Variants in ADGRG2 observed in about 807,000 individuals in gnomAD.
ADGRG2 encodes adhesion G protein-coupled receptor G2, also known as G protein-coupled receptor 64.
Under a neutral mutation model 74.1 loss-of-function variants are expected in ADGRG2, and 26 were observed. The ratio of observed to expected loss-of-function variants is 0.35; its 90% CI spans 0.26 to 0.49. The LOEUF (loss-of-function observed/expected upper bound fraction) is 0.49. Among genes scored for constraint, ADGRG2 ranks in the 20% least tolerant of loss-of-function variants. ADGRG2 has a pLI of 0.99. For synonymous variants in ADGRG2, 296 were observed against 295.2 expected (o/e 1.00, Z -0.03); for missense variants, 619 against 763.1 (o/e 0.81, Z 2.22).
At chrX:19,000,703 G>A (rs2060113816) in intron 24 of ADGRG2, among the ~76,000 whole-genome samples, 1 of 110,589 alleles carries the variant, frequency 9.0e-6, no homozygotes, top group African/African-American at 3.3e-5. Flanking sequence ...AGATTTCAAG[G>A]TGAATCTGTT....
chrX:18,998,667 C>T (rs894538905), intron 26 of ADGRG2, among the ~76,000 whole-genome samples: 3 of 101,759 alleles, frequency 2.9e-5, no homozygotes, highest in African/African-American at 1.1e-4. Flanking sequence ...GCAAGTCTCT[C>T]AAGGCCATTT....
intron 10 of ADGRG2, among the ~76,000 whole-genome samples, 185 bp from the exon 11 acceptor site, chrX:19,027,459 C>A (rs1253989453): frequency 1.8e-5 from 2 of 112,000 alleles, no homozygotes; most frequent in Non-Finnish European, 3.8e-5. Context: ...AAAGGGAGGG[C>A]AAAAAGTGGT....
chrX:19,046,312 C>T (rs2146788136), intron 3 of ADGRG2, among the ~76,000 whole-genome samples: 1 of 112,525 alleles, frequency 8.9e-6, no homozygotes, highest in South Asian at 3.7e-4. Context: ...AAAGCATGCC[C>T]TGGTTACAAA....
rs780606674 is a variant in ADGRG2 at position 18,991,156 on chromosome X, G to A, written c.2870-108C>T. On this transcript the variant is annotated intron_variant, in intron 28 of 28. Transcript: ENST00000379869. Reference sequence around the variant, plus strand: ...TCTTAAAGATGTATTTGTAAAATATGTTTTTAAAAACATTTGTGATATATG... The same window carrying A: ...TCTTAAAGATGTATTTGTAAAATATATTTTTAAAAACATTTGTGATATATG... The A allele has an allele frequency of 7.4e-5, 30 of 408,141 alleles. No homozygotes were observed. In the African/African-American group the frequency reaches 7.4e-4, roughly 10 times the overall value. The allele number at this position is 408,141 out of a possible 1,213,427, so 33.6% of individuals were successfully genotyped here.
At position 19,008,018 on chromosome X, in the gene ADGRG2, C is replaced by T. The variant is rs768465925; in HGVS notation, c.1528G>A (p.Val510Ile). The T allele has an allele frequency of 1.7e-6, 2 of 1,202,202 alleles. No individual in the cohort carries two copies. The highest frequency in any genetic ancestry group is 1.8e-5 in the African/African-American group (1 of 56,944). Residue 510 changes from valine (V) to isoleucine (I), a missense_variant, in exon 19 of 29, where the codon GTT (valine) becomes ATT (isoleucine). Val to Ile is a conservative substitution (Grantham distance 29). Transcript: ENST00000379869. Reference protein sequence around the residue: ...PAHDMELASRVQFNFFETPAL... With the variant: ...PAHDMELASRIQFNFFETPAL... ...GGTGTTTCAAAAAAATTGAACTGAA[C>T]CCTGGAAGCTAGCTCCATGTCATGA...
At chrX:18,992,860 A>G (rs2059946554) in intron 28 of ADGRG2, among the ~76,000 whole-genome samples, 1 of 112,252 alleles carries the variant, frequency 8.9e-6, no homozygotes, top group African/African-American at 3.2e-5. Context: ...TGATAGAGCT[A>G]GGCAGGTGAG....
At chrX:19,074,556 C>CTTCTT (rs2061707631) in intron 2 of ADGRG2, among the ~76,000 whole-genome samples, 1 of 85,623 alleles carries the variant, frequency 1.2e-5, no homozygotes, top group African/African-American at 4.9e-5. Flanking sequence ...TCTTCTTCTT[C>CTTCTT]TTCTTCTTTT....
At chrX:19,009,491 C>T (rs1281820364) in intron 18 of ADGRG2, 135 bp downstream of exon 18, 2 of 578,899 alleles carry the variant, frequency 3.5e-6, no homozygotes, top group Non-Finnish European at 5.8e-6. Flanking sequence ...TTCTATGGTG[C>T]CTCACTGTTC....
chrX:19,087,237 A>G (rs959275689), intron 1 of ADGRG2, among the ~76,000 whole-genome samples: 2 of 112,183 alleles, frequency 1.8e-5, no homozygotes, highest in African/African-American at 3.2e-5. Context: ...GTTCTGGAAA[A>G]CTAAAGATCA....
At chrX:19,016,297 A>T (rs894508468) in intron 15 of ADGRG2, among the ~76,000 whole-genome samples, 3 of 111,299 alleles carry the variant, frequency 2.7e-5, no homozygotes, top group African/African-American at 9.8e-5. Context: ...TTGACACATC[A>T]GTATGTTTTA....
intron 2 of ADGRG2, among the ~76,000 whole-genome samples, chrX:19,075,732 T>A (rs1369574541): frequency 9.1e-6 from 1 of 110,202 alleles, no homozygotes; most frequent in African/African-American, 3.3e-5. Context: ...CCAGTGGAAG[T>A]CTATCTGCAG....
At position 19,013,693 on chromosome X, in the gene ADGRG2, G is replaced by A. The variant is rs749341051; in HGVS notation, c.1092C>T (p.Val364=). 1.7e-6 allele frequency: 2 copies of A among 1,187,942 alleles called. No homozygotes were observed. The highest frequency in any genetic ancestry group is 2.3e-6 in the Non-Finnish European group (2 of 884,804). The part of the protein sequence containing the change: ...ANVNTTSAPP[V]QTDIVNTSSI... ...TGTTCAAGTGACATTTACCTGTCTG[G>A]ACAGGAGGTGCGCTGGTAGTGTTGA... Residue 364 remains valine, a synonymous_variant, in exon 16 of 29, where the codon GTC becomes GTT. Transcript: ENST00000379869.
chrX:19,117,116 C>T (rs1820520650), intron 1 of ADGRG2, among the ~76,000 whole-genome samples: 1 of 109,259 alleles, frequency 9.2e-6, no homozygotes, highest in African/African-American at 3.3e-5. Context: ...ATGGTGAAAC[C>T]TCGTCTCTAC....
intron 3 of ADGRG2, among the ~76,000 whole-genome samples, chrX:19,054,338 G>A (rs1183012298): frequency 1.8e-5 from 2 of 111,869 alleles, no homozygotes; most frequent in Non-Finnish European, 3.8e-5. Context: ...GAAGAATGTA[G>A]AAGACACAGT....
chrX:19,047,126 G>A (rs2061208694), intron 3 of ADGRG2, among the ~76,000 whole-genome samples: 1 of 111,904 alleles, frequency 8.9e-6, no homozygotes, highest in Non-Finnish European at 1.9e-5. Flanking sequence ...TATAGCTGCC[G>A]ATCACAGCAG....
At chrX:19,069,268 G>A (rs751792246) in intron 2 of ADGRG2, among the ~76,000 whole-genome samples, 2 of 111,830 alleles carry the variant, frequency 1.8e-5, no homozygotes, top group Non-Finnish European at 3.8e-5. Flanking sequence ...GCTGTTCACA[G>A]GTGCGATCAT....
chrX:19,032,787 T>G (rs1056025046), intron 8 of ADGRG2: 3 of 112,178 alleles, frequency 2.7e-5, no homozygotes, highest in African/African-American at 9.7e-5. Flanking sequence ...CCAATAAAAC[T>G]TTATTCACAA....
intron 28 of ADGRG2, among the ~76,000 whole-genome samples, chrX:18,993,297 G>A (rs976503294): frequency 9.0e-6 from 1 of 110,813 alleles, no homozygotes; most frequent in African/African-American, 3.3e-5. Flanking sequence ...TAAATGTCCT[G>A]CAATTCCACA....
intron 3 of ADGRG2, among the ~76,000 whole-genome samples, chrX:19,050,089 G>A (rs1009475669): frequency 1.8e-5 from 2 of 111,577 alleles, no homozygotes; most frequent in African/African-American, 6.5e-5. Context: ...ATCAAGACTG[G>A]AGTGCAAGTA....
Sources: gnomAD v4.1 joint callset for allele counts (sites outside exome capture counted in the v4.1 genomes callset) on GRCh38, gnomAD v4.1.1 for gene constraint, MANE v1.5 for transcripts, NCBI Gene and HGNC (gene_info 2026-07-23, HGNC 2026-07-21) for gene names.